Variants in ADARB2 observed in about 807,000 individuals in gnomAD.
ADARB2 encodes inactive double-stranded RNA-specific editase B2.
In ADARB2, 25 loss-of-function variants were observed where a neutral mutation model predicts 62.2. That is an observed-to-expected ratio of 0.40 (90% CI 0.29 to 0.56). ADARB2 has a LOEUF of 0.56. Ranked by LOEUF, ADARB2 falls within the 20% of genes least tolerant of loss-of-function variation. The pLI is 0.43. For synonymous variants in ADARB2, 572 were observed against 500.8 expected (o/e 1.14, Z -1.90); for missense variants, 1,071 against 1,077.4 (o/e 0.99, Z 0.08).
At chr10:1,656,956 T>C (rs1363482790) in intron 1 of ADARB2, among the ~76,000 whole-genome samples, 1 of 151,726 alleles carries the variant, frequency 6.6e-6, no homozygotes, top group African/African-American at 2.4e-5. Context: ...AGTTGAAAAA[T>C]CAAGGAACTC....
chr10:1,309,428 G>A (rs941728073), intron 3 of ADARB2, among the ~76,000 whole-genome samples: 2 of 152,280 alleles, frequency 1.3e-5, no homozygotes, highest in South Asian at 2.1e-4. Context: ...TGGGATACAC[G>A]AGGCCTGTCT....
At chr10:1,194,048 A>G (rs1589147779) in intron 8 of ADARB2, among the ~76,000 whole-genome samples, 1 of 152,152 alleles carries the variant, frequency 6.6e-6, no homozygotes, top group Non-Finnish European at 1.5e-5. Flanking sequence ...CTCTTATTAC[A>G]TGCATTCAGA....
chr10:1,366,560 G>C (rs1424097676), intron 2 of ADARB2, among the ~76,000 whole-genome samples: 1 of 152,154 alleles, frequency 6.6e-6, no homozygotes, highest in Non-Finnish European at 1.5e-5. Flanking sequence ...ATTAATGTCC[G>C]ATTTTCTCAG....
chr10:1,681,414 T>C (rs1834535023), intron 1 of ADARB2, among the ~76,000 whole-genome samples: 1 of 152,086 alleles, frequency 6.6e-6, no homozygotes, highest in African/African-American at 2.4e-5. Context: ...AGGCCTGTTA[T>C]GACTCCATTT....
intron 1 of ADARB2, among the ~76,000 whole-genome samples, chr10:1,514,604 C>T (rs1284509886): frequency 6.6e-6 from 1 of 151,798 alleles, no homozygotes; most frequent in Non-Finnish European, 1.5e-5. Context: ...CCCCTGGCCT[C>T]CTATGGCCTT....
At chr10:1,617,849 A>T (rs1833662484) in intron 1 of ADARB2, among the ~76,000 whole-genome samples, 1 of 152,238 alleles carries the variant, frequency 6.6e-6, no homozygotes, top group South Asian at 2.1e-4. Flanking sequence ...AGTGATAGGG[A>T]GGGAGGCTCA....
At chr10:1,567,172 T>C (rs2676709) in intron 1 of ADARB2, among the ~76,000 whole-genome samples, 2,020 of 148,694 alleles carry the variant, frequency 0.014, 47 homozygotes, top group African/African-American at 0.048. Flanking sequence ...AGGAAGTCTG[T>C]GGGTCCTCCC....
intron 1 of ADARB2, among the ~76,000 whole-genome samples, chr10:1,571,086 G>T (rs751458158): frequency 2.6e-5 from 4 of 152,108 alleles, no homozygotes; most frequent in Non-Finnish European, 5.9e-5. Flanking sequence ...TGATGTGAAA[G>T]AATCAGCATT....
intron 3 of ADARB2, among the ~76,000 whole-genome samples, chr10:1,307,296 A>C (rs1831638440): frequency 1.0e-5 from 1 of 95,990 alleles, no homozygotes; most frequent in African/African-American, 2.9e-5. Flanking sequence ...TCTCAAAAGA[A>C]GACATTTATG....
intron 6 of ADARB2, among the ~76,000 whole-genome samples, chr10:1,218,248 G>A (rs536952188): frequency 1.2e-3 from 177 of 151,966 alleles, no homozygotes; most frequent in African/African-American, 4.1e-3. Context: ...ATGGGGTTTC[G>A]CCATGTTGGC....
At chr10:1,694,609 C>T (rs1834714290) in intron 1 of ADARB2, among the ~76,000 whole-genome samples, 1 of 152,196 alleles carries the variant, frequency 6.6e-6, no homozygotes, top group Non-Finnish European at 1.5e-5. Context: ...TCACCTTATT[C>T]TTGGTCAGTC....
intron 1 of ADARB2, among the ~76,000 whole-genome samples, chr10:1,570,436 G>A (rs549133341): frequency 1.3e-5 from 1 of 78,270 alleles, no homozygotes; most frequent in East Asian, 3.9e-4. Flanking sequence ...CAGTGGAGGG[G>A]AAGCAGGACG....
chr10:1,298,633 T>C (rs1000368245), intron 3 of ADARB2, among the ~76,000 whole-genome samples: 22 of 150,366 alleles, frequency 1.5e-4, no homozygotes, highest in African/African-American at 5.4e-4. Flanking sequence ...AGACACATAC[T>C]GGGCTCAAGC....
chr10:1,424,001 C>A (rs1187292110), intron 1 of ADARB2, among the ~76,000 whole-genome samples: 2 of 152,162 alleles, frequency 1.3e-5, no homozygotes, highest in African/African-American at 2.4e-5. Context: ...ATTATGTATG[C>A]AGTAGGTCTA....
Position 1,704,271 on chromosome 10 carries a change from T to C in ADARB2, c.100+32780A>G, listed in dbSNP as rs939829792. Among the ~76,000 whole-genome samples, 8 of 152,222 alleles carry C rather than the reference T, an allele frequency of 5.3e-5. No individual in the cohort carries two copies. The highest frequency in any genetic ancestry group is 7.3e-5 in the Non-Finnish European group (5 of 68,046). Reference sequence around the variant, plus strand: ...CTTTATTTCTATTAATATTACATTGTAATATATAATGAAATAATTATATAA... The same window carrying C: ...CTTTATTTCTATTAATATTACATTGCAATATATAATGAAATAATTATATAA... On this transcript the variant is annotated intron_variant, in intron 1 of 9. Coordinates refer to ENST00000381312, the MANE Select transcript of ADARB2 (RefSeq NM_018702.4). This position sits in a 1 kb window ranked among gnomAD's most constrained non-coding sequence, Gnocchi z 5.6.
At chr10:1,459,988 C>A (rs1375316802) in intron 1 of ADARB2, among the ~76,000 whole-genome samples, 2 of 104,572 alleles carry the variant, frequency 1.9e-5, no homozygotes, top group East Asian at 5.0e-4. Flanking sequence ...AGCAAACCTG[C>A]CTGTGACCTG....
At chr10:1,691,451 C>T (rs1389361152) in intron 1 of ADARB2, among the ~76,000 whole-genome samples, 1 of 152,134 alleles carries the variant, frequency 6.6e-6, no homozygotes, top group Admixed American at 6.5e-5. Flanking sequence ...GAGTCTATGT[C>T]CTTCTTCTCT....
intron 7 of ADARB2, among the ~76,000 whole-genome samples, chr10:1,203,801 C>G (rs1311958701): frequency 6.6e-6 from 1 of 152,176 alleles, no homozygotes; most frequent in Non-Finnish European, 1.5e-5. Context: ...TCTTGCTGCT[C>G]TGAGCGACTG....
intron 1 of ADARB2, among the ~76,000 whole-genome samples, chr10:1,558,152 C>T (rs1832731344): frequency 6.6e-6 from 1 of 152,088 alleles, no homozygotes; most frequent in African/African-American, 2.4e-5. Context: ...TCCTTCCCAC[C>T]CCCAGGCTGT....
Sources: gnomAD v4.1 joint callset for allele counts (sites outside exome capture counted in the v4.1 genomes callset) on GRCh38, gnomAD v4.1.1 for gene constraint, Gnocchi (gnomAD v3.1) non-coding constraint, MANE v1.5 for transcripts, NCBI Gene and HGNC (gene_info 2026-07-23, HGNC 2026-07-21) for gene names.